PTPRN2: variants seen among roughly 807,000 people sequenced by gnomAD.
PTPRN2 encodes protein tyrosine phosphatase receptor type N2.
Under a neutral mutation model 118.8 loss-of-function variants are expected in PTPRN2, and 74 were observed. That is an observed-to-expected ratio of 0.62 (90% CI 0.52 to 0.76). The LOEUF is 0.76. PTPRN2 is among the 30% of genes least tolerant of loss of function. PTPRN2 has a pLI of 0.00. For missense variants in PTPRN2, 1,481 were observed against 1,394.4 expected (o/e 1.06, Z -0.99); for synonymous variants, 641 against 608.0 (o/e 1.05, Z -0.80).
intron 12 of PTPRN2, among the ~76,000 whole-genome samples, chr7:157,836,608 A>AC (rs1436130134): frequency 2.0e-4 from 13 of 65,804 alleles, no homozygotes; most frequent in African/African-American, 1.1e-3. Context: ...AAAGCAAAAT[A>AC]AAGACACACA....
intron 12 of PTPRN2, among the ~76,000 whole-genome samples, chr7:157,702,904 T>C (rs1029262358): frequency 2.6e-5 from 4 of 152,278 alleles, no homozygotes; most frequent in Admixed American, 2.6e-4. Flanking sequence ...GGGACCTTCA[T>C]ACCTGAGGGG....
At chr7:157,684,292 G>A (rs1053184772) in intron 12 of PTPRN2, among the ~76,000 whole-genome samples, 1 of 151,892 alleles carries the variant, frequency 6.6e-6, no homozygotes, top group African/African-American at 2.4e-5. Context: ...GCGCGGCTCG[G>A]AGGAGGACCG....
chr7:157,862,297 G>C (rs111736088), intron 12 of PTPRN2, among the ~76,000 whole-genome samples: 8,464 of 152,308 alleles, frequency 0.056, 399 homozygotes, highest in African/African-American at 0.12. Context: ...TTTCTGCGGA[G>C]ACAGTTCAGC....
chr7:157,766,697 C>T (rs1465115577), intron 12 of PTPRN2, among the ~76,000 whole-genome samples: 1 of 152,230 alleles, frequency 6.6e-6, no homozygotes, highest in Non-Finnish European at 1.5e-5. Flanking sequence ...CCCAGAACTG[C>T]AAGAACTTGC....
chr7:158,569,896 T>G (rs966789568), intron 1 of PTPRN2, among the ~76,000 whole-genome samples: 461 of 99,584 alleles, frequency 4.6e-3, no homozygotes, highest in Middle Eastern at 0.017. Context: ...TGACAGGAAC[T>G]CGGGGCGCGA....
At chr7:157,969,637 A>G (rs970609027) in intron 11 of PTPRN2, among the ~76,000 whole-genome samples, 1 of 151,354 alleles carries the variant, frequency 6.6e-6, no homozygotes, top group Non-Finnish European at 1.5e-5. Context: ...AGCTGTGGAC[A>G]GGGTCTGAAT....
At chr7:157,855,480 C>G (rs7357123) in intron 12 of PTPRN2, among the ~76,000 whole-genome samples, 7,675 of 152,334 alleles carry the variant, frequency 0.05, 664 homozygotes, top group African/African-American at 0.17. Context: ...TCTTGGGGAG[C>G]TCAAGGCCAG....
intron 12 of PTPRN2, among the ~76,000 whole-genome samples, chr7:157,761,408 A>C (rs1395979213): frequency 1.3e-5 from 2 of 150,846 alleles, no homozygotes; most frequent in Admixed American, 1.3e-4. Flanking sequence ...AGAGATATAG[A>C]TCAATGGAAC....
At chr7:158,579,027 T>A (rs1329106112) in intron 1 of PTPRN2, among the ~76,000 whole-genome samples, 1 of 152,156 alleles carries the variant, frequency 6.6e-6, no homozygotes, top group East Asian at 1.9e-4. Flanking sequence ...CCTCCCGAAG[T>A]GCTGGGATTA....
intron 2 of PTPRN2, among the ~76,000 whole-genome samples, chr7:158,319,328 C>T (rs1802609492): frequency 6.6e-6 from 1 of 152,054 alleles, no homozygotes; most frequent in Non-Finnish European, 1.5e-5. Context: ...GTTTAGATTA[C>T]TGCAAACTTG....
intron 11 of PTPRN2, among the ~76,000 whole-genome samples, chr7:157,899,284 A>C (rs1199275919): frequency 6.6e-6 from 1 of 152,142 alleles, no homozygotes; most frequent in Non-Finnish European, 1.5e-5. Flanking sequence ...TTTTCTCCTG[A>C]TGTAGAATGA....
chr7:157,743,049 C>T (rs1800723778), intron 12 of PTPRN2, among the ~76,000 whole-genome samples: 3 of 152,172 alleles, frequency 2.0e-5, no homozygotes, highest in African/African-American at 2.4e-5. Context: ...GAATGGACCA[C>T]TCACTGAGCC....
intron 12 of PTPRN2, among the ~76,000 whole-genome samples, chr7:157,887,565 A>ACCCGCTCCCC (rs1169554324): frequency 1.0e-4 from 1 of 9,572 alleles, no homozygotes; most frequent in Non-Finnish European, 2.0e-4. Flanking sequence ...TGCTCCCAGT[A>ACCCGCTCCCC]CATGGTCCCC....
Position 157,982,127 on chromosome 7 carries a change from A to G in PTPRN2, c.1724-83390T>C, listed in dbSNP as rs1283630475. The stretch of plus-strand genomic sequence containing the variant: ...GTCACAGAGACAAGGAGGGGAATGC[A>G]GAGTGCAGCGTCCCCCATAAACCCC... On this transcript the variant is annotated intron_variant, in intron 11 of 22. Coordinates refer to ENST00000389418, the MANE Select transcript of PTPRN2 (RefSeq NM_002847.5). Among the ~76,000 whole-genome samples the G allele has an allele frequency of 3.1e-5, 4 of 129,174 alleles. No homozygotes were observed. In the East Asian group the frequency reaches 9.5e-4, roughly 31 times the overall value. 84.7% of individuals were successfully genotyped at this position (129,174 alleles called of 152,430 possible).
At chr7:157,753,211 TC>T (rs1317440147) in intron 12 of PTPRN2, among the ~76,000 whole-genome samples, 1 of 152,074 alleles carries the variant, frequency 6.6e-6, no homozygotes, top group Non-Finnish European at 1.5e-5. Flanking sequence ...TGGGCTTCTG[TC>T]CCCCGGGCAG....
chr7:158,193,270 G>A (rs1029432479), intron 4 of PTPRN2, among the ~76,000 whole-genome samples: 1 of 152,232 alleles, frequency 6.6e-6, no homozygotes, highest in African/African-American at 2.4e-5. Context: ...TGGGACAGCT[G>A]CGTGCTGAAG....
chr7:158,276,347 G>A (rs186349486), intron 3 of PTPRN2, among the ~76,000 whole-genome samples: 5 of 18,968 alleles, frequency 2.6e-4, no homozygotes, highest in Admixed American at 7.4e-4. Context: ...CCCCGGCCCC[G>A]ACAGGCTGTA....
chr7:158,145,201 G>T (rs1020848420), intron 6 of PTPRN2, among the ~76,000 whole-genome samples: 29 of 148,872 alleles, frequency 1.9e-4, no homozygotes, highest in Admixed American at 4.1e-4. Flanking sequence ...CCACAGCTCG[G>T]CAAGGTTTCC....
intron 4 of PTPRN2, among the ~76,000 whole-genome samples, chr7:158,195,454 C>A (rs1298795466): frequency 6.6e-6 from 1 of 151,888 alleles, no homozygotes; most frequent in Non-Finnish European, 1.5e-5. Flanking sequence ...TTTTAGGGGG[C>A]TTATTGAGCT....
Sources: gnomAD v4.1 joint callset for allele counts (sites outside exome capture counted in the v4.1 genomes callset) on GRCh38, gnomAD v4.1.1 for gene constraint, MANE v1.5 for transcripts, NCBI Gene and HGNC (gene_info 2026-07-23, HGNC 2026-07-21) for gene names.